Variants in ST3GAL3 observed in about 807,000 individuals in gnomAD.
The protein encoded by ST3GAL3 is CMP-N-acetylneuraminate-beta-1,4-galactoside alpha-2,3-sialyltransferase.
Under a neutral mutation model 50.1 loss-of-function variants are expected in ST3GAL3, and 21 were observed. The observed-to-expected ratio is 0.42, with a 90% CI of 0.30 to 0.60. ST3GAL3 has a LOEUF of 0.60. Ranked by LOEUF, ST3GAL3 falls within the 20% of genes least tolerant of loss-of-function variation. ST3GAL3 has a pLI of 0.19. For synonymous variants in ST3GAL3, 183 were observed against 190.0 expected (o/e 0.96, Z 0.30); for missense variants, 353 against 489.4 (o/e 0.72, Z 2.63).
intron 2 of ST3GAL3, among the ~76,000 whole-genome samples, chr1:43,775,945 T>C (rs533001420): frequency 1.8e-4 from 28 of 152,362 alleles, no homozygotes; most frequent in Non-Finnish European, 2.6e-4. Flanking sequence ...TCAGCCTCCA[T>C]TGACCACAGT....
At chr1:43,802,213 G>T (rs187676636) in intron 3 of ST3GAL3, among the ~76,000 whole-genome samples, 177 of 152,146 alleles carry the variant, frequency 1.2e-3, no homozygotes, top group African/African-American at 3.9e-3. Flanking sequence ...GCTTTTTAAT[G>T]ATACTCTCTT....
chr1:43,752,817 A>G (rs1165601154), intron 2 of ST3GAL3, among the ~76,000 whole-genome samples: 1 of 152,196 alleles, frequency 6.6e-6, no homozygotes, highest in Non-Finnish European at 1.5e-5. Flanking sequence ...GACTATAGCA[A>G]ACTTTAAGGC....
chr1:43,791,652 A>G (rs559793055), intron 2 of ST3GAL3, among the ~76,000 whole-genome samples: 14 of 152,334 alleles, frequency 9.2e-5, no homozygotes, highest in South Asian at 4.1e-4. Context: ...GTAAATTTCA[A>G]TAGGCCACTA....
Position 43,882,939 on chromosome 1 carries a change from T to A in ST3GAL3, c.303-11444T>A, listed in dbSNP as rs546016216. On this transcript the variant is annotated intron_variant, in intron 5 of 11. Coordinates refer to ENST00000347631, the MANE Select transcript of ST3GAL3 (RefSeq NM_006279.5). ...TAGCACTTAGGTCAAGTGCCCATTC[T>A]TTTATTTATTTATTTATTTATTTAT... Among the ~76,000 whole-genome samples, 118 of 114,730 alleles carry A rather than the reference T, an allele frequency of 1.0e-3. 1 individual carries two copies. The highest frequency in any genetic ancestry group is 3.2e-3 in the African/African-American group (111 of 34,352). The allele number at this position is 114,730 out of a possible 152,430, so 75.3% of individuals were successfully genotyped here.
intron 3 of ST3GAL3, among the ~76,000 whole-genome samples, chr1:43,811,427 T>C (rs1012125): frequency 0.4 from 60,276 of 151,880 alleles, 12,303 homozygotes; most frequent in East Asian, 0.59. Context: ...CCCTTTCCAT[T>C]TTAGGGGCCT....
chr1:43,767,175 G>A (rs1004077346), intron 2 of ST3GAL3, among the ~76,000 whole-genome samples: 26 of 152,162 alleles, frequency 1.7e-4, no homozygotes, highest in African/African-American at 6.0e-4. Context: ...TTTCAGGGAC[G>A]GACAGATGCT....
intron 5 of ST3GAL3, among the ~76,000 whole-genome samples, chr1:43,869,200 A>T (rs948788213): frequency 6.6e-6 from 1 of 152,176 alleles, no homozygotes; most frequent in African/African-American, 2.4e-5. Context: ...TCATTTCAAG[A>T]TACTCATCAG....
At chr1:43,819,361 G>A (rs2061798296) in intron 4 of ST3GAL3, 1 of 152,146 alleles carries the variant, frequency 6.6e-6, no homozygotes, top group African/African-American at 2.4e-5. Context: ...CCAAAGTGCT[G>A]GAATTATAGG....
intron 5 of ST3GAL3, among the ~76,000 whole-genome samples, chr1:43,880,525 C>T (rs1330726435): frequency 4.0e-5 from 6 of 151,774 alleles, no homozygotes; most frequent in African/African-American, 1.5e-4. Flanking sequence ...TGTCACCTAC[C>T]CCCTCCCTCT....
intron 2 of ST3GAL3, among the ~76,000 whole-genome samples, chr1:43,745,954 C>T (rs1444316030): frequency 6.6e-6 from 1 of 152,166 alleles, no homozygotes; most frequent in Non-Finnish European, 1.5e-5. Context: ...ACGCAAATAC[C>T]ATTGTGTTAC....
At chr1:43,801,977 G>A (rs1277669647) in intron 3 of ST3GAL3, among the ~76,000 whole-genome samples, 1 of 139,910 alleles carries the variant, frequency 7.1e-6, no homozygotes, top group Non-Finnish European at 1.5e-5. Flanking sequence ...TCCAGCCTGG[G>A]TGACAGAGTG....
At chr1:43,896,238 A>C (rs1178599249) in intron 6 of ST3GAL3, among the ~76,000 whole-genome samples, 1 of 152,128 alleles carries the variant, frequency 6.6e-6, no homozygotes, top group East Asian at 1.9e-4. Context: ...GAAACTGCTC[A>C]GTGTCCCGGA....
Position 43,765,426 on chromosome 1 carries a change from G to A in ST3GAL3, c.119-26676G>A, listed in dbSNP as rs547579840. Among the ~76,000 whole-genome samples, 311 of 152,274 alleles carry A rather than the reference G, an allele frequency of 2.0e-3. 5 individuals are homozygous for A. The highest frequency in any genetic ancestry group is 1.2e-3 in the Non-Finnish European group (82 of 68,022). ...CTCAGTCGTGTGGTCCCACCTAACT[G>A]AGAGGAGGCCACGTAGCCCTCACAG... On this transcript the variant is annotated intron_variant, in intron 2 of 11. Coordinates refer to ENST00000347631, the MANE Select transcript of ST3GAL3 (RefSeq NM_006279.5).
intron 2 of ST3GAL3, among the ~76,000 whole-genome samples, chr1:43,746,010 TATG>T (rs1382305270): frequency 2.0e-5 from 3 of 152,220 alleles, no homozygotes; most frequent in Non-Finnish European, 4.4e-5. Flanking sequence ...AAATACACTC[TATG>T]ATATTTGCAC....
Position 43,838,221 on chromosome 1 carries a change from C to CT in ST3GAL3, c.213dup (p.Ala72CysfsTer2). The CT allele has an allele frequency of 6.2e-7, 1 of 1,612,806 alleles. No homozygotes were observed. The highest frequency in any genetic ancestry group is 2.2e-5 in the East Asian group (1 of 44,778). On this transcript the variant is annotated frameshift_variant, in exon 5 of 12. Transcript: ENST00000347631. LOFTEE classifies it high-confidence loss of function. ...TAACTTTCCTTCTCTTCCCATAGGC[C>CT]TGCTGAATTAGCCACCAAGTACGCA... is the stretch of plus-strand genomic sequence containing the variant.
intron 5 of ST3GAL3, among the ~76,000 whole-genome samples, chr1:43,860,641 C>T (rs890764154): frequency 6.6e-6 from 1 of 152,192 alleles, no homozygotes; most frequent in East Asian, 1.9e-4. Context: ...TAGGACTGGC[C>T]ATTTCTGCCA....
chr1:43,727,636 C>G (rs564392735), intron 1 of ST3GAL3, among the ~76,000 whole-genome samples: 1 of 152,342 alleles, frequency 6.6e-6, no homozygotes, highest in South Asian at 2.1e-4. Context: ...TCAGTTTTAA[C>G]AAGAAATGCT....
chr1:43,867,876 T>C (rs1403696777), intron 5 of ST3GAL3, among the ~76,000 whole-genome samples: 1 of 151,898 alleles, frequency 6.6e-6, no homozygotes, highest in Non-Finnish European at 1.5e-5. Flanking sequence ...TGAAGGAGAA[T>C]AGGAAAAAAT....
At chr1:43,915,281 G>T (rs185301247) in intron 9 of ST3GAL3, among the ~76,000 whole-genome samples, 1 of 152,194 alleles carries the variant, frequency 6.6e-6, no homozygotes, top group Non-Finnish European at 1.5e-5. Flanking sequence ...CCTCTTTGCT[G>T]TCTGTGCTGT....
Sources: gnomAD v4.1 joint callset for allele counts (sites outside exome capture counted in the v4.1 genomes callset) on GRCh38, gnomAD v4.1.1 for gene constraint, MANE v1.5 for transcripts, NCBI Gene and HGNC (gene_info 2026-07-23, HGNC 2026-07-21) for gene names.